Variants in MRPL42 observed in about 807,000 individuals in gnomAD.
MRPL42 encodes the protein large ribosomal subunit protein mL42.
In MRPL42, 17 loss-of-function variants were observed where a neutral mutation model predicts 17.9. That is an observed-to-expected ratio of 0.95 (90% confidence interval 0.65 to 1.42). The LOEUF is 1.42. Among genes scored for constraint, MRPL42 ranks in the 40% most tolerant of loss-of-function variants. The probability of loss-of-function intolerance (pLI) is 0.00; values close to 1 mark genes in which losing one functional copy is unlikely to be tolerated. For synonymous variants in MRPL42, 59 were observed against 54.4 expected (o/e 1.08, Z -0.37); for missense variants, 177 against 175.2 (o/e 1.01, Z -0.06).
Position 93,502,064 on chromosome 12 carries a change from T to C in MRPL42, c.*843T>C, listed in dbSNP as rs2121284835. 1 of 152,276 alleles carries C rather than the reference T, an allele frequency of 6.6e-6. No individual in the cohort carries two copies. The highest frequency in any genetic ancestry group is 1.5e-5 in the Non-Finnish European group (1 of 68,004). The allele number at this position is 152,276 out of a possible 1,614,324, so 9.4% of individuals were successfully genotyped here. Reference sequence around the variant, plus strand: ...ATCAGGCTCCAAAGCTTTTTTTTAGTGCATCACAATGACAAAGGGGTGGTT... The same window carrying C: ...ATCAGGCTCCAAAGCTTTTTTTTAGCGCATCACAATGACAAAGGGGTGGTT... On this transcript the variant is annotated 3_prime_UTR_variant, in exon 6 of 6. Coordinates refer to ENST00000549982, the MANE Select transcript of MRPL42 (RefSeq NM_014050.4).
In MRPL42 at chr12:93,487,496, G is replaced by T; in HGVS notation, c.220-1G>T. The T allele has an allele frequency of 6.2e-7, 1 of 1,607,810 alleles. No homozygotes were observed. Among genetic ancestry groups the T allele is most frequent in the Non-Finnish European group, 8.5e-7 (1 of 1,177,974 alleles). On this transcript the variant is annotated splice_acceptor_variant, in intron 4 of 5. Coordinates refer to ENST00000549982, the MANE Select transcript of MRPL42 (RefSeq NM_014050.4). LOFTEE classifies it high-confidence loss of function. The stretch of plus-strand genomic sequence containing the variant: ...GATGTTTGTTACTGATTATTTTGTA[G>T]CCTATCCCTCGGCCAGATCCTGTGC...
intron 3 of MRPL42, among the ~76,000 whole-genome samples, chr12:93,478,582 T>G (rs1236022007): frequency 6.6e-6 from 1 of 152,202 alleles, no homozygotes; most frequent in East Asian, 1.9e-4. Context: ...TAATGAGTAC[T>G]ATAATAGCGA....
intron 5 of MRPL42, among the ~76,000 whole-genome samples, chr12:93,499,077 A>G (rs1271506298): frequency 2.1e-5 from 1 of 46,562 alleles, no homozygotes; most frequent in Admixed American, 2.3e-4. Flanking sequence ...TTGGTTTGCC[A>G]GGAGCAATCT....
chr12:93,495,209 C>T (rs1592785264), intron 5 of MRPL42, among the ~76,000 whole-genome samples: 1 of 152,162 alleles, frequency 6.6e-6, no homozygotes, highest in Non-Finnish European at 1.5e-5. Context: ...GGTTGTGTGT[C>T]TTTAGCTGAC....
At chr12:93,476,597 T>C (rs1880194814) in intron 2 of MRPL42, among the ~76,000 whole-genome samples, 1 of 152,212 alleles carries the variant, frequency 6.6e-6, no homozygotes, top group African/African-American at 2.4e-5. Context: ...TATCAATCCT[T>C]ACTTATTTTC....
At chr12:93,488,094 C>T (rs1045637245) in intron 5 of MRPL42, among the ~76,000 whole-genome samples, 5 of 152,126 alleles carry the variant, frequency 3.3e-5, no homozygotes, top group Non-Finnish European at 7.4e-5. Context: ...CCTCAGCCTC[C>T]TGAGTAGCTG....
In MRPL42 at chr12:93,504,621, C is replaced by T. The variant is rs1273566115; in HGVS notation, c.*3400C>T. 6.6e-6 allele frequency: 1 copy of T among 152,196 alleles called. No individual in the cohort carries two copies. The highest frequency in any genetic ancestry group is 1.5e-5 in the Non-Finnish European group (1 of 68,042). 9.4% of individuals were successfully genotyped at this position (152,196 alleles called of 1,614,324 possible). On this transcript the variant is annotated 3_prime_UTR_variant, in exon 6 of 6. Coordinates refer to ENST00000549982, the MANE Select transcript of MRPL42 (RefSeq NM_014050.4). ...AAAGTATACAAGTTTCAGGTCCTAGCTTAAACCTATAAGAGGCCTTATTAT... is the reference window on the plus strand; with the variant it reads ...AAAGTATACAAGTTTCAGGTCCTAGTTTAAACCTATAAGAGGCCTTATTAT...
chr12:93,470,894 A>G (rs1343103434), intron 2 of MRPL42, among the ~76,000 whole-genome samples: 2 of 152,202 alleles, frequency 1.3e-5, no homozygotes, highest in African/African-American at 4.8e-5. Context: ...CGCTATTGTG[A>G]ATAGTGCTCT....
rs898270181 is a variant in MRPL42 at position 93,508,599 on chromosome 12, A to G, written c.*7378A>G. 6.6e-6 allele frequency: 1 copy of G among 152,194 alleles called. No homozygotes were observed. Among genetic ancestry groups the G allele is most frequent in the Non-Finnish European group, 1.5e-5 (1 of 68,036 alleles). The allele number at this position is 152,194 out of a possible 1,614,324, so 9.4% of individuals were successfully genotyped here. ...AAATACTATGGCCATTCTCTTCACA[A>G]TAGTTGTCACCAAAACGTAATCGAT... is the stretch of plus-strand genomic sequence containing the variant. On this transcript the variant is annotated 3_prime_UTR_variant, in exon 6 of 6. Coordinates refer to ENST00000549982, the MANE Select transcript of MRPL42 (RefSeq NM_014050.4).
At chr12:93,495,771 A>C (rs1953489196) in intron 5 of MRPL42, among the ~76,000 whole-genome samples, 1 of 152,178 alleles carries the variant, frequency 6.6e-6, no homozygotes, top group African/African-American at 2.4e-5. Flanking sequence ...ATAATGAGGA[A>C]CATCTTAACC....
Position 93,506,216 on chromosome 12 carries a change from CTG to C in MRPL42, c.*4998_*4999del, listed in dbSNP as rs1184562653. 1.3e-5 allele frequency: 2 copies of C among 150,748 alleles called. No individual in the cohort carries two copies. Among genetic ancestry groups the C allele is most frequent in the Admixed American group, 6.6e-5 (1 of 15,084 alleles). The allele number at this position is 150,748 out of a possible 1,614,324, so 9.3% of individuals were successfully genotyped here. ...ATACTGGGATTACAAGGGTGAGCCA[CTG>C]TGCCCAGCCTCTTCTGAGTCTTCAA... On this transcript the variant is annotated 3_prime_UTR_variant, in exon 6 of 6. Transcript: ENST00000549982.
intron 1 of MRPL42, among the ~76,000 whole-genome samples, chr12:93,468,495 C>G (rs893180297): frequency 6.6e-6 from 1 of 152,112 alleles, no homozygotes; most frequent in Non-Finnish European, 1.5e-5. Context: ...ACTCTAAAGT[C>G]CTTGGAAGCA....
At chr12:93,483,749 TA>T (rs1486571977) in intron 4 of MRPL42, among the ~76,000 whole-genome samples, 1 of 152,164 alleles carries the variant, frequency 6.6e-6, no homozygotes, top group Non-Finnish European at 1.5e-5. Context: ...CTTTCTTTAA[TA>T]ATAAATTAAC....
Position 93,515,811 on chromosome 12 carries a change from A to G in MRPL42, c.*14590A>G, listed in dbSNP as rs578029890. On this transcript the variant is annotated 3_prime_UTR_variant, in exon 6 of 6. Transcript: ENST00000549982. ...TTGGGCATAAGTCTCACAGAATACC[A>G]ACATTAAACAAGATGACTCTGAAAC... The G allele has an allele frequency of 4.6e-5, 7 of 152,356 alleles. No homozygotes were observed. Among genetic ancestry groups the G allele is most frequent in the African/African-American group, 1.7e-4 (7 of 41,582 alleles). The allele number at this position is 152,356 out of a possible 1,614,324, so 9.4% of individuals were successfully genotyped here.
rs1953632357 is a variant in MRPL42 at position 93,503,833 on chromosome 12, G to T, written c.*2612G>T. The T allele has an allele frequency of 6.6e-6, 1 of 151,720 alleles. No individual in the cohort carries two copies. Among genetic ancestry groups the T allele is most frequent in the Non-Finnish European group, 1.5e-5 (1 of 67,978 alleles). The allele number at this position is 151,720 out of a possible 1,614,324, so 9.4% of individuals were successfully genotyped here. A position where few individuals can be genotyped will look rare whatever the true frequency, so the allele number is the denominator to read the frequency against. On this transcript the variant is annotated 3_prime_UTR_variant, in exon 6 of 6. Transcript: ENST00000549982. ...TTTTTTCCGTATCATTAAGTACTCTGATTTAATGGGTGCATATTATTCTAT... is the reference window on the plus strand; with the variant it reads ...TTTTTTCCGTATCATTAAGTACTCTTATTTAATGGGTGCATATTATTCTAT...
rs557307587 is a variant in MRPL42 at position 93,507,243 on chromosome 12, T to C, written c.*6022T>C. 6.2e-4 allele frequency: 95 copies of C among 152,338 alleles called. No individual in the cohort carries two copies. Among genetic ancestry groups the C allele is most frequent in the African/African-American group, 2.1e-3 (89 of 41,574 alleles). 9.4% of individuals were successfully genotyped at this position (152,338 alleles called of 1,614,324 possible). Reference sequence around the variant, plus strand: ...CACTGGATGTGCCCCTGAAATCATATATTTACTACTAAAACCATTAGATTG... The same window carrying C: ...CACTGGATGTGCCCCTGAAATCATACATTTACTACTAAAACCATTAGATTG... On this transcript the variant is annotated 3_prime_UTR_variant, in exon 6 of 6. Coordinates refer to ENST00000549982, the MANE Select transcript of MRPL42 (RefSeq NM_014050.4).
rs1880352529 is a variant in MRPL42 at position 93,479,470 on chromosome 12, A to G, written c.217A>G (p.Lys73Glu). Residue 73 changes from lysine to glutamate, a missense_variant and splice_region_variant, in exon 4 of 6, where the codon AAA becomes GAA. By Grantham distance (56) the Lys-to-Glu change is moderately conservative (BLOSUM62 1). Coordinates refer to ENST00000549982, the MANE Select transcript of MRPL42 (RefSeq NM_014050.4). ...PSVDIPYEHT[K>E]PIPRPDPVHN... Reference sequence around the variant, plus strand: ...TGTGGACATTCCATATGAACACACAAAAGTATGTATGAGAAAATTTCTTGC... The same window carrying G: ...TGTGGACATTCCATATGAACACACAGAAGTATGTATGAGAAAATTTCTTGC... 3 of 1,602,446 alleles carry G rather than the reference A, an allele frequency of 1.9e-6. No individual in the cohort carries two copies. Among genetic ancestry groups the G allele is most frequent in the Non-Finnish European group, 1.7e-6 (2 of 1,172,266 alleles).
In MRPL42 at chr12:93,509,198, A is replaced by C. The variant is rs1953701076; in HGVS notation, c.*7977A>C. ...ACGAGATTCCGTCTCAAAAAAAAAA[A>C]AAAAACTGCCAAAACGCTTTTTGCA... is the stretch of plus-strand genomic sequence containing the variant. On this transcript the variant is annotated 3_prime_UTR_variant, in exon 6 of 6. Coordinates refer to ENST00000549982, the MANE Select transcript of MRPL42 (RefSeq NM_014050.4). 1 of 151,702 alleles carries C rather than the reference A, an allele frequency of 6.6e-6. No homozygotes were observed. The highest frequency in any genetic ancestry group is 1.5e-5 in the Non-Finnish European group (1 of 67,888). The allele number at this position is 151,702 out of a possible 1,614,324, so 9.4% of individuals were successfully genotyped here.
chr12:93,509,427 G>A lies in MRPL42; in HGVS notation c.*8206G>A, dbSNP rs1283932956. 3 of 151,954 alleles carry A rather than the reference G, an allele frequency of 2.0e-5. No individual in the cohort carries two copies. Among genetic ancestry groups the A allele is most frequent in the Non-Finnish European group, 2.9e-5 (2 of 67,996 alleles). The allele number at this position is 151,954 out of a possible 1,614,324, so 9.4% of individuals were successfully genotyped here. ...CTTGTTGGGCACTCATATCTTTGGT[G>A]AAATATCTGTTCAAATCATTTGCTC... is the stretch of plus-strand genomic sequence containing the variant. On this transcript the variant is annotated 3_prime_UTR_variant, in exon 6 of 6. Transcript: ENST00000549982.
Sources: gnomAD v4.1 joint callset for allele counts (sites outside exome capture counted in the v4.1 genomes callset) on GRCh38, gnomAD v4.1.1 for gene constraint, MANE v1.5 for transcripts, NCBI Gene and HGNC (gene_info 2026-07-23, HGNC 2026-07-21) for gene names.